Variants in NEDD4L observed in about 807,000 individuals in gnomAD.
NEDD4L encodes the protein E3 ubiquitin-protein ligase NEDD4-like.
Under a neutral mutation model 148.9 loss-of-function variants are expected in NEDD4L, and 54 were observed. That is an observed-to-expected ratio of 0.36 (90% CI 0.29 to 0.45). The LOEUF is 0.45. NEDD4L is among the 20% of genes least tolerant of loss of function. The pLI, the probability that NEDD4L is intolerant of heterozygous loss-of-function variation, is 1.00. For synonymous variants in NEDD4L, 433 were observed against 440.7 expected, an observed-to-expected ratio of 0.98 and a Z score of 0.22; for missense variants, 856 against 1,233.8, an observed-to-expected ratio of 0.69 and a Z score of 4.59.
intron 1 of NEDD4L, among the ~76,000 whole-genome samples, chr18:58,088,013 G>C (rs1243146572): frequency 6.6e-6 from 1 of 152,208 alleles, no homozygotes; most frequent in Non-Finnish European, 1.5e-5. Context: ...CTAGGGCTTG[G>C]GTGGGACTGA....
chr18:58,251,566 TAC>T (rs759906237), intron 4 of NEDD4L, among the ~76,000 whole-genome samples: 17 of 150,270 alleles, frequency 1.1e-4, no homozygotes, highest in Admixed American at 4.0e-4. Flanking sequence ...TGTCTCTCTC[TAC>T]ACACACACAC....
At chr18:58,296,065 C>G (rs1056419764) in intron 5 of NEDD4L, among the ~76,000 whole-genome samples, 1 of 152,200 alleles carries the variant, frequency 6.6e-6, no homozygotes, top group African/African-American at 2.4e-5. Flanking sequence ...AGACCGGAGT[C>G]ATACCACAGT....
intron 5 of NEDD4L, chr18:58,255,748 C>T (rs1258087883): frequency 4.1e-6 from 5 of 1,232,518 alleles, no homozygotes; most frequent in Non-Finnish European, 4.0e-6. Context: ...TGGCATTCCA[C>T]ACCCTACCGC....
chr18:58,123,810 C>A (rs571520393), intron 1 of NEDD4L, among the ~76,000 whole-genome samples: 1 of 152,164 alleles, frequency 6.6e-6, no homozygotes. Context: ...CTCCACCTTT[C>A]CACCTGCTGC....
At chr18:58,118,028 G>C (rs1663044) in intron 1 of NEDD4L, among the ~76,000 whole-genome samples, 55,017 of 152,052 alleles carry the variant, frequency 0.36, 10,342 homozygotes, top group East Asian at 0.52. Context: ...TGACACTGGA[G>C]ACTGCACCAC....
At chr18:58,359,738 G>A (rs141521013) in intron 19 of NEDD4L, 176 of 152,188 alleles carry the variant, frequency 1.2e-3, no homozygotes, top group African/African-American at 3.9e-3. Flanking sequence ...TATCAGTATC[G>A]CCTGAGAGCT....
intron 5 of NEDD4L, among the ~76,000 whole-genome samples, chr18:58,254,821 A>C (rs149993001): frequency 3.1e-4 from 47 of 152,346 alleles, no homozygotes; most frequent in African/African-American, 1.1e-3. Flanking sequence ...CTGGTTGTGT[A>C]GCAAGTCGGG....
chr18:58,053,683 G>A (rs9989615), intron 1 of NEDD4L, among the ~76,000 whole-genome samples: 137,457 of 152,190 alleles, frequency 0.9, 62,158 homozygotes, highest in East Asian at 1. Flanking sequence ...CTTGGGTGCA[G>A]TTTTGGATCA....
At chr18:58,111,779 C>T (rs2085434366) in intron 1 of NEDD4L, among the ~76,000 whole-genome samples, 1 of 152,106 alleles carries the variant, frequency 6.6e-6, no homozygotes, top group Non-Finnish European at 1.5e-5. Context: ...CTTCTATGAA[C>T]CTCTATGTAG....
chr18:58,395,385 C>T (rs1490600152), intron 30 of NEDD4L, among the ~76,000 whole-genome samples: 1 of 152,128 alleles, frequency 6.6e-6, no homozygotes, highest in Non-Finnish European at 1.5e-5. Flanking sequence ...CCCACTGATC[C>T]GATCCACTTG....
In NEDD4L at chr18:58,105,489, C is replaced by T. The variant is rs117371575; in HGVS notation, c.49-60299C>T. Among the ~76,000 whole-genome samples the T allele has an allele frequency of 6.6e-3, 999 of 152,188 alleles. 9 individuals carry two copies. Among genetic ancestry groups the T allele is most frequent in the South Asian group, 0.017 (84 of 4,810 alleles). On this transcript the variant is annotated intron_variant, in intron 1 of 30. Coordinates refer to ENST00000400345, the MANE Select transcript of NEDD4L (RefSeq NM_001144967.3). ...GCTTAATAAATACTTGCTAATGAAC[C>T]TAATTATTATGACATTAAGATTTTA...
At chr18:58,124,926 A>G (rs903331200) in intron 1 of NEDD4L, among the ~76,000 whole-genome samples, 11 of 152,224 alleles carry the variant, frequency 7.2e-5, no homozygotes, top group African/African-American at 2.4e-4. Flanking sequence ...AATGAATGGC[A>G]GGGTCTTACA....
At chr18:58,110,119 A>G (rs1298327383) in intron 1 of NEDD4L, among the ~76,000 whole-genome samples, 1 of 152,136 alleles carries the variant, frequency 6.6e-6, no homozygotes, top group Admixed American at 6.5e-5. Flanking sequence ...TGGCATCAAG[A>G]TGGGTGTGTC....
intron 1 of NEDD4L, among the ~76,000 whole-genome samples, chr18:58,105,180 C>T (rs1026217148): frequency 2.0e-5 from 3 of 152,162 alleles, no homozygotes; most frequent in African/African-American, 7.2e-5. Flanking sequence ...TGGACATGTC[C>T]TAGTTTTGAG....
chr18:58,142,666 A>G (rs879397642), intron 1 of NEDD4L, among the ~76,000 whole-genome samples: 3 of 152,150 alleles, frequency 2.0e-5, no homozygotes, highest in Non-Finnish European at 4.4e-5. Context: ...TGGCTGAATG[A>G]CCTGTATGTG....
At chr18:58,122,198 A>G (rs1464102629) in intron 1 of NEDD4L, among the ~76,000 whole-genome samples, 1 of 152,180 alleles carries the variant, frequency 6.6e-6, no homozygotes, top group Admixed American at 6.5e-5. Context: ...GTTGCTGACA[A>G]GTGTCTAAAA....
At position 58,401,427 on chromosome 18, in the gene NEDD4L, A is replaced by G. The variant is rs993601824; in HGVS notation, c.*5158A>G. On this transcript the variant is annotated 3_prime_UTR_variant, in exon 31 of 31. Transcript: ENST00000400345. ...CTTGAGAGATCTAAAGAGAAACTGT[A>G]GATTGTTTTCCTGACAGCAAAAGAC... 4.6e-5 allele frequency: 7 copies of G among 152,236 alleles called. No homozygotes were observed. The highest frequency in any genetic ancestry group is 1.7e-4 in the African/African-American group (7 of 41,464). 9.4% of individuals were successfully genotyped at this position (152,236 alleles called of 1,614,324 possible).
intron 2 of NEDD4L, among the ~76,000 whole-genome samples, chr18:58,213,893 A>T (rs904276852): frequency 6.6e-6 from 1 of 152,096 alleles, no homozygotes; most frequent in Non-Finnish European, 1.5e-5. Flanking sequence ...CTTTGGCATC[A>T]TTGGCAGTTT....
intron 2 of NEDD4L, among the ~76,000 whole-genome samples, chr18:58,217,729 G>A (rs997521769): frequency 2.6e-5 from 4 of 152,060 alleles, no homozygotes; most frequent in African/African-American, 7.2e-5. Context: ...TGATCTACCT[G>A]TAGAGCCAAA....
Sources: gnomAD v4.1 joint callset for allele counts (sites outside exome capture counted in the v4.1 genomes callset) on GRCh38, gnomAD v4.1.1 for gene constraint, MANE v1.5 for transcripts, NCBI Gene and HGNC (gene_info 2026-07-23, HGNC 2026-07-21) for gene names.